Variants in SLC2A9 observed in about 807,000 individuals in gnomAD.
The protein encoded by SLC2A9 is solute carrier family 2, facilitated glucose transporter member 9.
A neutral mutation model predicts 50.6 loss-of-function variants in SLC2A9; 39 were observed. The ratio of observed to expected loss-of-function variants is 0.77; its 90% CI spans 0.60 to 1.01. SLC2A9 has a LOEUF of 1.01. Ranked by LOEUF, SLC2A9 falls within the 50% of genes least tolerant of loss-of-function variation. The probability of loss-of-function intolerance (pLI) is 0.00; values close to 1 mark genes in which losing one functional copy is unlikely to be tolerated. For synonymous variants in SLC2A9, 324 were observed against 276.9 expected (o/e 1.17, Z -1.69); for missense variants, 686 against 677.6 (o/e 1.01, Z -0.14).
At chr4:9,822,465 C>A (rs1724535483), downstream of SLC2A9, among the ~76,000 whole-genome samples, 1 of 152,124 alleles carries the variant, frequency 6.6e-6, no homozygotes, top group Admixed American at 6.5e-5. Flanking sequence ...GGTAATTCCT[C>A]TTGTTTCAAA....
intron 5 of SLC2A9, among the ~76,000 whole-genome samples, chr4:9,972,789 C>T (rs1467602008): frequency 6.6e-6 from 1 of 152,148 alleles, no homozygotes; most frequent in Non-Finnish European, 1.5e-5. Flanking sequence ...TGAGATGCAG[C>T]AAAAGCAGTG....
chr4:9,950,729 T>TC (rs1750067430), intron 5 of SLC2A9, among the ~76,000 whole-genome samples: 1,506 of 94,496 alleles, frequency 0.016, 356 homozygotes, highest in African/African-American at 0.031. Flanking sequence ...CTGTCTCTAC[T>TC]AAAAATACAA....
At chr4:10,020,039 A>AGT (rs112964589) in intron 1 of SLC2A9, among the ~76,000 whole-genome samples, 53,289 of 147,842 alleles carry the variant, frequency 0.36, 10,419 homozygotes, top group South Asian at 0.45. Flanking sequence ...CATATTTGTG[A>AGT]GTGTGTGTGT....
chr4:9,868,678 G>A (rs1011722162), intron 10 of SLC2A9, among the ~76,000 whole-genome samples: 3 of 151,734 alleles, frequency 2.0e-5, no homozygotes, highest in East Asian at 1.9e-4. Flanking sequence ...CTCTCCCTCT[G>A]TCACCCCAGG....
intron 10 of SLC2A9, among the ~76,000 whole-genome samples, chr4:9,865,884 C>G (rs1577598589): frequency 6.6e-6 from 1 of 152,244 alleles, no homozygotes; most frequent in African/African-American, 2.4e-5. Context: ...TTGCAGGAAT[C>G]TGGCCCCGGG....
At chr4:9,785,378 T>C (rs1325172168) in intron 3 of SLC2A9, among the ~76,000 whole-genome samples, 1 of 152,222 alleles carries the variant, frequency 6.6e-6, no homozygotes, top group Non-Finnish European at 1.5e-5. Flanking sequence ...GCATGATGCA[T>C]CCTCCAGTGG....
intron 10 of SLC2A9, among the ~76,000 whole-genome samples, chr4:9,842,969 G>C (rs985035172): frequency 1.3e-5 from 2 of 152,118 alleles, no homozygotes; most frequent in Admixed American, 1.3e-4. Context: ...ACCATGGGAA[G>C]TCACATCTTA....
At chr4:9,826,769 G>A (rs1319857137) in intron 11 of SLC2A9, among the ~76,000 whole-genome samples, 169 bp from the exon 12 acceptor site, 1 of 152,182 alleles carries the variant, frequency 6.6e-6, no homozygotes, top group African/African-American at 2.4e-5. Flanking sequence ...TACATGAAGT[G>A]TTATCACATA....
At chr4:9,798,849 G>A (rs1720935798), downstream of SLC2A9, 1 of 152,206 alleles carries the variant, frequency 6.6e-6, no homozygotes, top group Non-Finnish European at 1.5e-5. Context: ...CTGGGTCTGA[G>A]TTTTCCTTTC....
intron 10 of SLC2A9, among the ~76,000 whole-genome samples, chr4:9,855,901 G>T (rs10032756): frequency 0.16 from 24,205 of 151,990 alleles, 2,634 homozygotes; most frequent in African/African-American, 0.3. Context: ...GGATAATTGG[G>T]GAACTATATG....
intron 10 of SLC2A9, among the ~76,000 whole-genome samples, chr4:9,848,848 G>A (rs572961136): frequency 3.3e-5 from 5 of 152,034 alleles, no homozygotes; most frequent in African/African-American, 4.8e-5. Context: ...GGGACTACAG[G>A]CACCCGCTAC....
chr4:9,987,411 C>T (rs1057148490), intron 3 of SLC2A9, among the ~76,000 whole-genome samples: 8 of 152,190 alleles, frequency 5.3e-5, no homozygotes, highest in African/African-American at 1.9e-4. Context: ...TGAGCCACTG[C>T]GTCCGGCCTA....
chr4:9,901,511 A>G (rs1739607355), intron 8 of SLC2A9, among the ~76,000 whole-genome samples: 2 of 152,184 alleles, frequency 1.3e-5, no homozygotes, highest in Non-Finnish European at 2.9e-5. Flanking sequence ...TGTCTACAGC[A>G]GTCAGAGGGA....
At chr4:9,959,500 A>G (rs1383295288) in intron 5 of SLC2A9, among the ~76,000 whole-genome samples, 1 of 152,144 alleles carries the variant, frequency 6.6e-6, no homozygotes, top group Non-Finnish European at 1.5e-5. Context: ...AAGTTCTATC[A>G]TCAATTATTT....
chr4:10,005,459 G>C (rs1292793151), intron 2 of SLC2A9, among the ~76,000 whole-genome samples: 1 of 152,218 alleles, frequency 6.6e-6, no homozygotes, highest in Non-Finnish European at 1.5e-5. Context: ...GAGGGTTTTA[G>C]CACGGAATTG....
At chr4:9,806,375 C>T (rs112674844) in intron 3 of SLC2A9, among the ~76,000 whole-genome samples, 2,865 of 152,340 alleles carry the variant, frequency 0.019, 100 homozygotes, top group African/African-American at 0.065. Flanking sequence ...AACTAGCCAG[C>T]GCCATCCCTT....
At position 10,036,947 on chromosome 4, in the gene SLC2A9, CG is replaced by C. The variant is rs559073827; in HGVS notation, c.-41+3182del. Among the ~76,000 whole-genome samples, 4 of 152,292 alleles carry C rather than the reference CG, an allele frequency of 2.6e-5. No homozygotes were observed. In the South Asian group the frequency reaches 8.3e-4, roughly 32 times the overall value. ...CTCCTTGGGCTTGCTAAGGAGCAAG[CG>C]GGGCCTCTAGACTTAATTGTTAAGC... On this transcript the variant is annotated intron_variant, in intron 1 of 12. Coordinates refer to the SLC2A9 transcript ENST00000309065.
chr4:9,925,814 C>A (rs1177171392), intron 6 of SLC2A9, among the ~76,000 whole-genome samples: 1 of 152,100 alleles, frequency 6.6e-6, no homozygotes. Context: ...CAAACAGGAA[C>A]AGAGGAAAAT....
intron 8 of SLC2A9, among the ~76,000 whole-genome samples, chr4:9,899,838 A>T (rs1291313421): frequency 6.6e-6 from 1 of 152,132 alleles, no homozygotes; most frequent in African/African-American, 2.4e-5. Context: ...ACTGGGATGG[A>T]AGGAAAGGCT....
Sources: allele counts gnomAD v4.1 joint callset (sites outside exome capture counted in the v4.1 genomes callset), GRCh38; gene constraint gnomAD v4.1.1; transcripts MANE v1.5; gene names NCBI Gene and HGNC (gene_info 2026-07-23, HGNC 2026-07-21).